C5: variants seen among roughly 807,000 people sequenced by gnomAD.
The protein encoded by C5 is complement C5, also known as C3 and PZP-like alpha-2-macroglobulin domain-containing protein 4.
Under a neutral mutation model 218.8 loss-of-function variants are expected in C5, and 140 were observed. The ratio of observed to expected loss-of-function variants is 0.64; its 90% CI spans 0.56 to 0.74. The LOEUF (loss-of-function observed/expected upper bound fraction) is 0.74, where lower values mean the gene tolerates loss of function less well. Among genes scored for constraint, C5 ranks in the 30% least tolerant of loss-of-function variants. The probability of loss-of-function intolerance (pLI) is 0.00; values close to 1 mark genes in which losing one functional copy is unlikely to be tolerated. For missense variants in C5, 1,700 were observed against 1,969.6 expected (o/e 0.86, Z 2.59); for synonymous variants, 614 against 682.3 (o/e 0.90, Z 1.56).
At chr9:120,990,953 C>T (rs2047072598) in intron 23 of C5, among the ~76,000 whole-genome samples, 1 of 152,112 alleles carries the variant, frequency 6.6e-6, no homozygotes, top group East Asian at 1.9e-4. Context: ...AATGACAGTC[C>T]CTACCTTCCA....
chr9:120,956,198 G>A (rs1254667479), intron 39 of C5, among the ~76,000 whole-genome samples: 3 of 152,126 alleles, frequency 2.0e-5, no homozygotes, highest in South Asian at 4.1e-4. Context: ...GGAGGCTGAG[G>A]CAGGAGAATC....
intron 11 of C5, 33 bp from the exon 12 acceptor site, chr9:121,020,212 CT>C: frequency 7.1e-7 from 1 of 1,412,396 alleles, no homozygotes; most frequent in Non-Finnish European, 1.0e-6. Context: ...GACATGTATA[CT>C]GTGATGTAAT....
intron 33 of C5, among the ~76,000 whole-genome samples, chr9:120,965,331 C>T (rs1359132803): frequency 6.6e-6 from 1 of 151,884 alleles, no homozygotes; most frequent in Non-Finnish European, 1.5e-5. Context: ...ACCAGCCTGG[C>T]CAACATGGTG....
intron 10 of C5, 21 bp from the exon 11 acceptor site, chr9:121,021,715 A>G (rs10985127): frequency 0.18 from 292,515 of 1,592,284 alleles, 30,050 homozygotes; most frequent in African/African-American, 0.39. Flanking sequence ...AAACAATCCA[A>G]ATCTATTTCA....
At chr9:121,049,538 C>A (rs2047655688) in intron 1 of C5, among the ~76,000 whole-genome samples, 1 of 152,036 alleles carries the variant, frequency 6.6e-6, no homozygotes, top group South Asian at 2.1e-4. Flanking sequence ...AATAAAAATC[C>A]TGTTTCTCTC....
chr9:120,960,834 T>C (rs41312917), intron 37 of C5, among the ~76,000 whole-genome samples: 3,677 of 152,292 alleles, frequency 0.024, 142 homozygotes, highest in African/African-American at 0.084. Flanking sequence ...TCTTTAGAAA[T>C]GTATGTGGTT....
chr9:120,989,854 A>G, intron 23 of C5, 74 bp from the exon 24 acceptor site: 1 of 1,201,978 alleles, frequency 8.3e-7, no homozygotes, highest in Non-Finnish European at 1.2e-6. Flanking sequence ...AGAGAGAAGA[A>G]CAACCATCTA....
At chr9:120,979,543 G>A (rs2046976381) in intron 28 of C5, 1 of 157,344 alleles carries the variant, frequency 6.4e-6, no homozygotes, top group Admixed American at 6.1e-5. Flanking sequence ...CAGGTATATA[G>A]GGGGTGTCCA....
At chr9:120,984,205 GA>G (rs2131701586) in intron 25 of C5, among the ~76,000 whole-genome samples, 1 of 87,658 alleles carries the variant, frequency 1.1e-5, no homozygotes, top group Non-Finnish European at 2.4e-5. Context: ...TTATTTTAAA[GA>G]TTTTTTTTTT....
In C5 at chr9:121,025,537, G is replaced by T; in HGVS notation, c.917C>A (p.Ala306Glu). The T allele has an allele frequency of 6.2e-7, 1 of 1,612,348 alleles. No individual in the cohort carries two copies. Residue 306 changes from alanine to glutamate, a missense_variant, in exon 9 of 41, where the codon GCA (alanine) becomes GAA (glutamate). Ala to Glu is a moderately radical substitution (Grantham distance 107). Coordinates refer to ENST00000223642, the MANE Select transcript of C5 (RefSeq NM_001735.3). ...ACTGTAGTATGACAGTTCTTTGACT[G>T]CTGTTTCAGAATCAAATGTGACTTG... The part of the protein sequence containing the change: ...IAQVTFDSET[A>E]VKELSYYSLE...
At chr9:121,013,710 G>A (rs187928761) in intron 17 of C5, among the ~76,000 whole-genome samples, 163 bp downstream of exon 17, 150 of 151,530 alleles carry the variant, frequency 9.9e-4, no homozygotes, top group African/African-American at 3.5e-3. Flanking sequence ...GTACCTCTTC[G>A]GATGCCCAAA....
the C5 span, among the ~76,000 whole-genome samples, chr9:121,066,737 C>A: frequency 2.6e-5 from 4 of 151,558 alleles, no homozygotes; most frequent in Non-Finnish European, 5.9e-5. Context: ...GTAATCCCAG[C>A]TACTCAGGAG....
chr9:120,956,684 A>C (rs1248834493), intron 39 of C5, among the ~76,000 whole-genome samples: 1 of 152,238 alleles, frequency 6.6e-6, no homozygotes. Context: ...TAACCAAAGC[A>C]ACATGTTACT....
At chr9:121,026,130 T>C (rs1318313249) in intron 8 of C5, among the ~76,000 whole-genome samples, 1 of 152,204 alleles carries the variant, frequency 6.6e-6, no homozygotes, top group African/African-American at 2.4e-5. Flanking sequence ...TCCCAGTGTC[T>C]AGCATAGAAT....
chr9:121,018,629 GGGAGGGAGGGAGGGAGGGAAAGAAAGAAA>G, intron 12 of C5, among the ~76,000 whole-genome samples: 1 of 82,392 alleles, frequency 1.2e-5, no homozygotes, highest in African/African-American at 4.6e-5. Context: ...CAAGAAAGAA[GGGAGGGAGGGAGGGAGGGAAAGAAAGAAA>G]GAAGGAAGGA....
intron 23 of C5, 71 bp from the exon 24 acceptor site, chr9:120,989,851 A>G (rs1438430009): frequency 6.5e-6 from 8 of 1,230,528 alleles, no homozygotes; most frequent in African/African-American, 1.5e-5. Context: ...TCAAGAGAGA[A>G]GAACAACCAT....
intron 20 of C5, among the ~76,000 whole-genome samples, chr9:121,003,061 G>A (rs1259593692): frequency 6.6e-6 from 1 of 152,196 alleles, no homozygotes; most frequent in Non-Finnish European, 1.5e-5. Context: ...GGGAGGCCAA[G>A]GTGGGCAGAT....
intron 20 of C5, among the ~76,000 whole-genome samples, chr9:121,003,022 G>A (rs1270571508): frequency 2.0e-5 from 3 of 152,216 alleles, no homozygotes; most frequent in Non-Finnish European, 4.4e-5. Flanking sequence ...GCCGGGAACA[G>A]TGGCTCATGC....
chr9:120,975,004 T>C, intron 29 of C5, 73 bp from the exon 30 acceptor site: 1 of 1,526,020 alleles, frequency 6.6e-7, no homozygotes, highest in Non-Finnish European at 9.1e-7. Context: ...ATGCCCTTTT[T>C]ATGAGAGGGT....
Sources: allele counts gnomAD v4.1 joint callset (sites outside exome capture counted in the v4.1 genomes callset), GRCh38; gene constraint gnomAD v4.1.1; transcripts MANE v1.5; gene names NCBI Gene and HGNC (gene_info 2026-07-23, HGNC 2026-07-21).